Variants in VPS9D1 observed in about 807,000 individuals in gnomAD.
VPS9D1 encodes VPS9 domain-containing protein 1.
A neutral mutation model predicts 75.8 loss-of-function variants in VPS9D1; 78 were observed. That is an observed-to-expected ratio of 1.03 (90% CI 0.86 to 1.24). The LOEUF (loss-of-function observed/expected upper bound fraction) is 1.24, where lower values mean the gene tolerates loss of function less well. Ranked by LOEUF, VPS9D1 falls within the 50% of genes most tolerant of loss-of-function variation. VPS9D1 has a pLI of 0.00. For synonymous variants in VPS9D1, 481 were observed against 385.6 expected, an observed-to-expected ratio of 1.25 and a Z score of -2.90; for missense variants, 1,057 against 847.7, an observed-to-expected ratio of 1.25 and a Z score of -3.07.
chr16:89,720,609 C>T (rs891585819), intron 1 of VPS9D1, 154 bp downstream of exon 1: 56 of 1,230,866 alleles, frequency 4.5e-5, no homozygotes, highest in Non-Finnish European at 5.1e-5. Context: ...CTGCGCCCCG[C>T]CCCCGTCCTC....
chr16:89,718,903 CG>C lies in VPS9D1; in HGVS notation c.175+123del, dbSNP rs2061161191. 3 of 770,340 alleles carry C rather than the reference CG, an allele frequency of 3.9e-6. No individual in the cohort carries two copies. In the South Asian group the frequency reaches 4.8e-5, roughly 12 times the overall value. The allele number at this position is 770,340 out of a possible 1,614,324, so 47.7% of individuals were successfully genotyped here. A position where few individuals can be genotyped will look rare whatever the true frequency, so the allele number is the denominator to read the frequency against. On this transcript the variant is annotated intron_variant, in intron 2 of 14. Transcript: ENST00000389386. ...TGATTTTTTAGATTTTTAGTAGAGA[CG>C]GGGTTTCACCATGTTAGCCAGGATG...
chr16:89,708,842 C>T lies in VPS9D1; in HGVS notation c.1697+15G>A, dbSNP rs756693654. On this transcript the variant is annotated intron_variant, in intron 13 of 14. Transcript: ENST00000389386. ...CCCTTCCTCCCTGGCCACACCTCGCCCTCCTGGGACTCACATGGCAGCTGC... is the reference window on the plus strand; with the variant it reads ...CCCTTCCTCCCTGGCCACACCTCGCTCTCCTGGGACTCACATGGCAGCTGC... The T allele has an allele frequency of 1.3e-6, 2 of 1,571,448 alleles. No individual in the cohort carries two copies. Among genetic ancestry groups the T allele is most frequent in the South Asian group, 1.2e-5 (1 of 84,034 alleles).
At chr16:89,713,314 G>A (rs1466119331) in intron 4 of VPS9D1, among the ~76,000 whole-genome samples, 1 of 151,682 alleles carries the variant, frequency 6.6e-6, no homozygotes, top group Non-Finnish European at 1.5e-5. Flanking sequence ...GAGCGCAGTG[G>A]CGCAATCTCG....
chr16:89,717,579 C>T (rs2061105485), intron 2 of VPS9D1: 1 of 456,550 alleles, frequency 2.2e-6, no homozygotes, highest in Non-Finnish European at 4.4e-6. Flanking sequence ...CTGCCCTTCA[C>T]AGAAAACTTC....
rs762484469 is a variant in VPS9D1 at position 89,710,808 on chromosome 16, G to A, written c.1036C>T (p.Pro346Ser). 2 of 1,542,648 alleles carry A rather than the reference G, an allele frequency of 1.3e-6. No homozygotes were observed. Among genetic ancestry groups the A allele is most frequent in the East Asian group, 4.9e-5 (2 of 40,744 alleles). Residue 346 changes from proline (P) to serine (S), a missense_variant, in exon 10 of 15, where the codon CCC becomes TCC. Physicochemically the swap from Pro to Ser is moderately conservative, Grantham distance 74. Transcript: ENST00000389386. ...GGGGGCGTGGGGGGACTGTCCTGGGGCCGCGGGGCTGCGCTGGGCTCGGGC... is the reference window on the plus strand; with the variant it reads ...GGGGGCGTGGGGGGACTGTCCTGGGACCGCGGGGCTGCGCTGGGCTCGGGC... ...SPPEPSAAPR[P>S]QDSPPTPPLQ... is the part of the protein sequence containing the mutation.
intron 2 of VPS9D1, among the ~76,000 whole-genome samples, chr16:89,718,415 C>T (rs183072170): frequency 1.4e-4 from 22 of 152,312 alleles, no homozygotes; most frequent in Admixed American, 1.2e-3. Flanking sequence ...AGCCCCACCC[C>T]GCCCACTCCT....
intron 4 of VPS9D1, among the ~76,000 whole-genome samples, chr16:89,713,403 C>T (rs1331281818): frequency 1.3e-5 from 2 of 151,586 alleles, no homozygotes; most frequent in African/African-American, 2.4e-5. Flanking sequence ...TACAGGTGCC[C>T]GCCACTATGC....
chr16:89,719,788 G>C (rs566712333), intron 1 of VPS9D1, among the ~76,000 whole-genome samples: 1 of 152,136 alleles, frequency 6.6e-6, no homozygotes, highest in Non-Finnish European at 1.5e-5. Context: ...GCAGGATCTC[G>C]AGTCACTGCA....
rs966213816 is a variant in VPS9D1, at chr16:89,708,412, C to A, written c.1802+15G>T. ...CTTCGCACAGAGACCCCCACCCTGA[C>A]CCGCCAGGGTCTACCCCTCGTGGAT... On this transcript the variant is annotated intron_variant, in intron 14 of 14. Transcript: ENST00000389386. 1 of 1,605,206 alleles carries A rather than the reference C, an allele frequency of 6.2e-7. No individual in the cohort carries two copies. Among genetic ancestry groups the A allele is most frequent in the Non-Finnish European group, 8.5e-7 (1 of 1,176,438 alleles).
rs1032050038 is a variant in VPS9D1, at chr16:89,712,662, C to T, written c.486G>A (p.Ala162=). ...ASLQNQKLKA[A]YEARMARLDP... ...CTAGCCGCGCCATTCGGGCCTCATACGCAGCCTTCAGCTTCTGATTCTGCA... is the reference window on the plus strand; with the variant it reads ...CTAGCCGCGCCATTCGGGCCTCATATGCAGCCTTCAGCTTCTGATTCTGCA... Residue 162 remains alanine, a synonymous_variant, in exon 5 of 15, where the codon GCG becomes GCA. Coordinates refer to ENST00000389386, the MANE Select transcript of VPS9D1 (RefSeq NM_004913.3). 1 of 1,612,298 alleles carries T rather than the reference C, an allele frequency of 6.2e-7. No individual in the cohort carries two copies. The highest frequency in any genetic ancestry group is 8.5e-7 in the Non-Finnish European group (1 of 1,178,972).
Position 89,718,063 on chromosome 16 carries a change from C to T in VPS9D1, c.175+964G>A, listed in dbSNP as rs1248778641. On this transcript the variant is annotated intron_variant, in intron 2 of 14. Transcript: ENST00000389386. Reference sequence around the variant, plus strand: ...GTGATCCCACGTCCAGTGGCTCCCCCTGACCTCTGTGCTCTATGTCCAGTG... The same window carrying T: ...GTGATCCCACGTCCAGTGGCTCCCCTTGACCTCTGTGCTCTATGTCCAGTG... 1.5e-5 allele frequency: 7 copies of T among 451,796 alleles called. No individual in the cohort carries two copies. The East Asian group carries it at 5.0e-4, about 32-fold the overall frequency. 28.0% of individuals were successfully genotyped at this position (451,796 alleles called of 1,614,324 possible).
chr16:89,709,049 G>A, intron 12 of VPS9D1, 93 bp from the exon 13 acceptor site: 1 of 510,836 alleles, frequency 2.0e-6, no homozygotes, highest in Non-Finnish European at 2.4e-6. Flanking sequence ...CTCCTGATGT[G>A]CACGGCTGGG....
rs753169772 is a variant in VPS9D1, at chr16:89,716,564, C to T, written c.329G>A (p.Arg110Gln). The change falls in exon 4 of 15, where the codon CGA becomes CAA. Residue 110 changes from arginine (R) to glutamine (Q), a missense_variant. Physicochemically the swap from Arg to Gln is conservative, Grantham distance 43. Coordinates refer to ENST00000389386, the MANE Select transcript of VPS9D1 (RefSeq NM_004913.3). ...AAAPIPQPAG[R>Q]HRRVYSDEGG... The stretch of plus-strand genomic sequence containing the variant: ...TTCATCGGAGTATACACGGCGGTGT[C>T]GGCCGGCAGGCTGGGGAATGGGAGC... 2.0e-5 allele frequency: 33 copies of T among 1,613,836 alleles called. 1 individual carries two copies. The highest frequency in any genetic ancestry group is 1.3e-4 in the South Asian group (12 of 91,076).
chr16:89,711,743 C>A lies in VPS9D1; in HGVS notation c.747+139G>T, dbSNP rs946929590. The stretch of plus-strand genomic sequence containing the variant: ...GGCCCCGCCCCCTCACCGGGCCCTC[C>A]CACGGGCCTCTGGCCCCGCCCCCTC... On this transcript the variant is annotated intron_variant, in intron 8 of 14. Coordinates refer to ENST00000389386, the MANE Select transcript of VPS9D1 (RefSeq NM_004913.3). 23 of 1,097,868 alleles carry A rather than the reference C, an allele frequency of 2.1e-5. No homozygotes were observed. In the Admixed American group the frequency reaches 6.3e-4, roughly 30 times the overall value. 68.0% of individuals were successfully genotyped at this position (1,097,868 alleles called of 1,614,324 possible). A position where few individuals can be genotyped will look rare whatever the true frequency, so the allele number is the denominator to read the frequency against.
chr16:89,710,770 G>A lies in VPS9D1; in HGVS notation c.1074C>T (p.Gly358=), dbSNP rs772381672. 8.4e-5 allele frequency: 131 copies of A among 1,559,262 alleles called. No individual in the cohort carries two copies. Among genetic ancestry groups the A allele is most frequent in the Admixed American group, 1.7e-4 (9 of 51,974 alleles). ...CCAGGGGTGAGGGAGACCCCACGGG[G>A]CCGGGTTGGAGTGGGGGCGTGGGGG... is the stretch of plus-strand genomic sequence containing the variant. ...DSPPTPPLQP[G]PVGSPSPLGD... The change falls in exon 10 of 15, where the codon GGC becomes GGT. Residue 358 remains glycine, a synonymous_variant. Transcript: ENST00000389386.
intron 1 of VPS9D1, chr16:89,720,305 G>A: frequency 1.4e-6 from 1 of 722,466 alleles, no homozygotes; most frequent in Non-Finnish European, 1.7e-6. Flanking sequence ...ACACCCCTCC[G>A]GCCTGCTTTT....
At chr16:89,714,204 C>A (rs2061008395) in intron 4 of VPS9D1, among the ~76,000 whole-genome samples, 1 of 152,094 alleles carries the variant, frequency 6.6e-6, no homozygotes, top group South Asian at 2.1e-4. Flanking sequence ...TTCCAAAGTG[C>A]TGGGATTACA....
intron 11 of VPS9D1, 83 bp downstream of exon 11, chr16:89,709,694 T>TGCC: frequency 3.1e-6 from 5 of 1,594,538 alleles, no homozygotes; most frequent in Non-Finnish European, 4.3e-6. Flanking sequence ...GAGCAGACAG[T>TGCC]GCCAGGGAGC....
chr16:89,716,257 T>G (rs750699266), intron 4 of VPS9D1, among the ~76,000 whole-genome samples: 1 of 151,846 alleles, frequency 6.6e-6, no homozygotes, highest in Non-Finnish European at 1.5e-5. Flanking sequence ...TCTCAGCTAC[T>G]TGGGAGGCTG....
Sources: gnomAD v4.1 joint callset for allele counts (sites outside exome capture counted in the v4.1 genomes callset) on GRCh38, gnomAD v4.1.1 for gene constraint, MANE v1.5 for transcripts, NCBI Gene and HGNC (gene_info 2026-07-23, HGNC 2026-07-21) for gene names.